The following PACS2 variants were observed in gnomAD, a reference collection of about 807,000 sequenced individuals.
The protein encoded by PACS2 is PACS1-like protein.
A neutral mutation model predicts 113.0 loss-of-function variants in PACS2; 36 were observed. That is an observed-to-expected ratio of 0.32 (90% confidence interval 0.24 to 0.42). The LOEUF (loss-of-function observed/expected upper bound fraction) is 0.42, where lower values mean the gene tolerates loss of function less well. PACS2 is among the 10% of genes least tolerant of loss of function. The pLI, the probability that PACS2 is intolerant of heterozygous loss-of-function variation, is 1.00. For missense variants in PACS2, 1,015 were observed against 1,239.5 expected, an observed-to-expected ratio of 0.82 and a Z score of 2.72; for synonymous variants, 589 against 536.1, an observed-to-expected ratio of 1.10 and a Z score of -1.36.
chr14:105,394,975 T>TTCTTGCCTC lies in PACS2; in HGVS notation c.*305_*313dup, dbSNP rs2081493338. 3 of 349,194 alleles carry TTCTTGCCTC rather than the reference T, an allele frequency of 8.6e-6. No homozygotes were observed. Among genetic ancestry groups the TTCTTGCCTC allele is most frequent in the Non-Finnish European group, 1.6e-5 (3 of 182,486 alleles). 21.6% of individuals were successfully genotyped at this position (349,194 alleles called of 1,614,324 possible). A position where few individuals can be genotyped will look rare whatever the true frequency, so the allele number is the denominator to read the frequency against. The stretch of plus-strand genomic sequence containing the variant: ...GCCACCCAGAGCCTCACAGGCTGAG[T>TTCTTGCCTC]TCTTGCCTCTGTGTCCTGTCCTTCC... On this transcript the variant is annotated 3_prime_UTR_variant, in exon 25 of 25. Transcript: ENST00000447393.
rs74452902 is a variant in PACS2 at position 105,338,551 on chromosome 14, C to T, written c.120-9942C>T. Reference sequence around the variant, plus strand: ...GGGCTGTGCAGGATTCCGGGTCCTCCAGGGCCAGTGTGATCCTTGCTGGGT... The same window carrying T: ...GGGCTGTGCAGGATTCCGGGTCCTCTAGGGCCAGTGTGATCCTTGCTGGGT... On this transcript the variant is annotated intron_variant, in intron 1 of 24. Coordinates refer to ENST00000447393, the MANE Select transcript of PACS2 (RefSeq NM_001100913.3). 7.6e-4 allele frequency among the ~76,000 whole-genome samples: 115 copies of T among 152,270 alleles called. 1 individual carries two copies. The East Asian group carries it at 0.015, about 19-fold the overall frequency.
Position 105,381,930 on chromosome 14 carries a change from G to A in PACS2, c.1285G>A (p.Ala429Thr), listed in dbSNP as rs1555412128. Residue 429 changes from alanine (A) to threonine (T), a missense_variant, in exon 13 of 25, where the codon GCT (alanine) becomes ACT (threonine). Around this residue, in one of 3 missense-constraint regions of PACS2, gnomAD observed 859 missense variants for 1,056.8 expected, o/e 0.81. Coordinates refer to ENST00000447393, the MANE Select transcript of PACS2 (RefSeq NM_001100913.3). ...IPSTRSEGKQ[A>T]GRRGRSTSLK... ...CCCCAATAGGTCCGAGGGGAAGCAG[G>A]CTGGCCGACGGGGCCGGAGCACATC... 1.3e-6 allele frequency: 2 copies of A among 1,550,982 alleles called. No homozygotes were observed. Among genetic ancestry groups the A allele is most frequent in the Non-Finnish European group, 1.7e-6 (2 of 1,147,176 alleles).
chr14:105,390,361 G>C (rs1023635166), intron 20 of PACS2: 1 of 328,132 alleles, frequency 3.0e-6, no homozygotes, highest in Non-Finnish European at 5.9e-6. Context: ...AGGAGCCCAA[G>C]GCCCCGGGAG....
intron 16 of PACS2, chr14:105,383,940 T>A (rs1321136474): frequency 3.6e-6 from 1 of 274,082 alleles, no homozygotes; most frequent in Non-Finnish European, 6.9e-6. Flanking sequence ...ACTCCATTAC[T>A]TCTTTAGGTC....
intron 2 of PACS2, among the ~76,000 whole-genome samples, chr14:105,349,924 TGC>T (rs2060099077): frequency 2.9e-5 from 1 of 34,062 alleles, no homozygotes; most frequent in Non-Finnish European, 1.5e-4. Context: ...GCGTGGCTAA[TGC>T]AGGACCCCGA....
At chr14:105,307,963 G>C (rs780138688) in intron 1 of PACS2, among the ~76,000 whole-genome samples, 14 of 152,148 alleles carry the variant, frequency 9.2e-5, no homozygotes, top group Non-Finnish European at 1.8e-4. Context: ...TGGGAGGATA[G>C]CTTGAGCCCA....
chr14:105,394,059 G>C (rs1479140031), intron 24 of PACS2, among the ~76,000 whole-genome samples: 1 of 149,608 alleles, frequency 6.7e-6, no homozygotes, highest in Non-Finnish European at 1.5e-5. Flanking sequence ...AAAAAAAAGG[G>C]GTTTTGGAGA....
chr14:105,314,207 C>A (rs113540988), upstream of PACS2, among the ~76,000 whole-genome samples: 6,809 of 150,072 alleles, frequency 0.045, 540 homozygotes, highest in African/African-American at 0.16. Flanking sequence ...GGCTCGGGGA[C>A]GGGCGGGGCC....
In PACS2 at chr14:105,324,334, C is replaced by T. The variant is rs916732142; in HGVS notation, c.119+9297C>T. On this transcript the variant is annotated intron_variant, in intron 1 of 24. Coordinates refer to ENST00000447393, the MANE Select transcript of PACS2 (RefSeq NM_001100913.3). The surrounding 1 kb of genome is among the most constrained non-coding windows in gnomAD (Gnocchi z 4.7). Reference sequence around the variant, plus strand: ...GTTGCCGAGACAGGGTGCTCAGGTGCAGGTGGGAAGGGGTGGCAGGATGGA... The same window carrying T: ...GTTGCCGAGACAGGGTGCTCAGGTGTAGGTGGGAAGGGGTGGCAGGATGGA... 6.6e-6 allele frequency among the ~76,000 whole-genome samples: 1 copy of T among 152,030 alleles called. No individual in the cohort carries two copies. The highest frequency in any genetic ancestry group is 2.4e-5 in the African/African-American group (1 of 41,398).
rs28569215 is a variant in PACS2, at chr14:105,357,921, T to C, written c.423+2744T>C. ...GGGCACAGGGTGGGGTGAGGCGGGC[T>C]GTTGGGCGGACTCGAGGCCAGGGCT... is the stretch of plus-strand genomic sequence containing the variant. On this transcript the variant is annotated intron_variant, in intron 4 of 24. Transcript: ENST00000447393. The surrounding 1 kb of genome is among the most constrained non-coding windows in gnomAD (Gnocchi z 5.1). 0.1 allele frequency among the ~76,000 whole-genome samples: 15,210 copies of C among 151,946 alleles called. 2,556 individuals are homozygous for C. The highest frequency in any genetic ancestry group is 0.35 in the African/African-American group (14,390 of 41,420).
rs1038801253 is a variant in PACS2, at chr14:105,397,334, C to T, written c.*2662C>T. ...AACCAAAGCCATCTGACAGCCAGTG[C>T]GGTAAGGGCGGGGGATGTGTGTGTG... On this transcript the variant is annotated 3_prime_UTR_variant, in exon 25 of 25. Transcript: ENST00000447393. 22 of 152,490 alleles carry T rather than the reference C, an allele frequency of 1.4e-4. No individual in the cohort carries two copies. Among genetic ancestry groups the T allele is most frequent in the African/African-American group, 5.1e-4 (21 of 41,458 alleles). The allele number at this position is 152,490 out of a possible 1,614,324, so 9.4% of individuals were successfully genotyped here. A position where few individuals can be genotyped will look rare whatever the true frequency, so the allele number is the denominator to read the frequency against.
Position 105,329,815 on chromosome 14 carries a change from C to T in PACS2, c.119+14778C>T, listed in dbSNP as rs2059237628. On this transcript the variant is annotated intron_variant, in intron 1 of 24. Coordinates refer to ENST00000447393, the MANE Select transcript of PACS2 (RefSeq NM_001100913.3). This position sits in a 1 kb window ranked among gnomAD's most constrained non-coding sequence, Gnocchi z 6.4. ...TCATGGACAGGAGACCACCAGGCTCCTTCCAGGAGGGTGAGGTCTCTGCAG... is the reference window on the plus strand; with the variant it reads ...TCATGGACAGGAGACCACCAGGCTCTTTCCAGGAGGGTGAGGTCTCTGCAG... Among the ~76,000 whole-genome samples the T allele has an allele frequency of 6.6e-6, 1 of 152,206 alleles. No homozygotes were observed. Among genetic ancestry groups the T allele is most frequent in the Admixed American group, 6.5e-5 (1 of 15,280 alleles).
At chr14:105,371,200 G>A (rs2061139364) in intron 8 of PACS2, 1 of 152,266 alleles carries the variant, frequency 6.6e-6, no homozygotes, top group South Asian at 2.1e-4. Context: ...GTGTCTTTTG[G>A]TTTGCATCTT....
intron 20 of PACS2, chr14:105,390,877 C>A: frequency 2.5e-6 from 1 of 407,224 alleles, no homozygotes. Context: ...GGTCCGGGGC[C>A]TATCCCCGTC....
Position 105,354,124 on chromosome 14 carries a change from A to C in PACS2, c.298-928A>C, listed in dbSNP as rs1207734230. Among the ~76,000 whole-genome samples, 2 of 152,036 alleles carry C rather than the reference A, an allele frequency of 1.3e-5. No individual in the cohort carries two copies. Among genetic ancestry groups the C allele is most frequent in the Non-Finnish European group, 2.9e-5 (2 of 67,990 alleles). ...AGAATATAATAACGAGGGCAAAAAA[A>C]CACTTACTGAGTCAAGGCTATTTTG... On this transcript the variant is annotated intron_variant, in intron 3 of 24. Coordinates refer to ENST00000447393, the MANE Select transcript of PACS2 (RefSeq NM_001100913.3). This position sits in a 1 kb window ranked among gnomAD's most constrained non-coding sequence, Gnocchi z 4.2.
intron 4 of PACS2, among the ~76,000 whole-genome samples, chr14:105,360,639 T>C (rs1595694251): frequency 6.6e-6 from 1 of 151,126 alleles, no homozygotes; most frequent in Non-Finnish European, 1.5e-5. Context: ...TGTGGGTGGG[T>C]GCTGACCGGT....
At chr14:105,346,316 G>A (rs150687508) in intron 1 of PACS2, among the ~76,000 whole-genome samples, 5 of 152,180 alleles carry the variant, frequency 3.3e-5, no homozygotes, top group Middle Eastern at 3.4e-3. Context: ...ACACTGACCC[G>A]ATCTTGTTTG....
chr14:105,379,946 C>G, intron 10 of PACS2, 117 bp downstream of exon 10: 1 of 1,317,240 alleles, frequency 7.6e-7, no homozygotes, highest in Non-Finnish European at 1.1e-6. Context: ...CCTGGAGCCA[C>G]TCTGCACCCA....
intron 5 of PACS2, 100 bp downstream of exon 5, chr14:105,367,475 G>C (rs1439933995): frequency 8.3e-7 from 1 of 1,207,764 alleles, no homozygotes; most frequent in African/African-American, 1.5e-5. Flanking sequence ...CTGGCTTAAG[G>C]AGTTGGGGGT....
Sources: gnomAD v4.1 joint callset for allele counts (sites outside exome capture counted in the v4.1 genomes callset) on GRCh38, gnomAD v4.1.1 for gene constraint, gnomAD v4.1.1 regional missense constraint, Gnocchi (gnomAD v3.1) non-coding constraint, MANE v1.5 for transcripts, NCBI Gene and HGNC (gene_info 2026-07-23, HGNC 2026-07-21) for gene names.